The following TUSC3 variants were observed in gnomAD, a reference collection of about 807,000 sequenced individuals.
The protein encoded by TUSC3 is dolichyl-diphosphooligosaccharide--protein glycosyltransferase subunit TUSC3.
In TUSC3, 45 loss-of-function variants were observed where a neutral mutation model predicts 44.8. The observed-to-expected ratio is 1.00, with a 90% CI of 0.79 to 1.29. The LOEUF (loss-of-function observed/expected upper bound fraction) is 1.29. TUSC3 is among the 50% of genes most tolerant of loss of function. TUSC3 has a pLI of 0.00. For missense variants in TUSC3, 519 were observed against 437.9 expected (o/e 1.19, Z -1.65); for synonymous variants, 212 against 152.9 (o/e 1.39, Z -2.85).
intron 6 of TUSC3, among the ~76,000 whole-genome samples, chr8:15,677,369 A>G (rs1011822002): frequency 6.6e-5 from 10 of 152,312 alleles, no homozygotes; most frequent in African/African-American, 9.6e-5. Flanking sequence ...ATGCTTACAA[A>G]GAGATTTTGA....
At chr8:15,797,219 G>T in the TUSC3 span, among the ~76,000 whole-genome samples, 1 of 152,236 alleles carries the variant, frequency 6.6e-6, no homozygotes, top group African/African-American at 2.4e-5. Flanking sequence ...TTTCAGTGGA[G>T]ACTGTTGGTT....
At chr8:15,728,035 A>C (rs1160508033) in intron 6 of TUSC3, among the ~76,000 whole-genome samples, 2 of 152,322 alleles carry the variant, frequency 1.3e-5, no homozygotes, top group East Asian at 3.9e-4. Flanking sequence ...CAGTTTCATG[A>C]AATAAGTCTC....
intron 6 of TUSC3, among the ~76,000 whole-genome samples, chr8:15,709,527 A>G (rs2129198955): frequency 6.6e-6 from 1 of 151,954 alleles, no homozygotes; most frequent in African/African-American, 2.4e-5. Context: ...GCCAGAATTT[A>G]GCTCCAGATG....
At chr8:15,520,543 C>G (rs1801283638) in intron 2 of TUSC3, among the ~76,000 whole-genome samples, 1 of 152,152 alleles carries the variant, frequency 6.6e-6, no homozygotes, top group Admixed American at 6.5e-5. Context: ...TATAACATGC[C>G]TTGAAACATT....
chr8:15,631,238 C>T (rs1027751596), intron 2 of TUSC3, among the ~76,000 whole-genome samples: 7 of 152,084 alleles, frequency 4.6e-5, no homozygotes, highest in Admixed American at 4.6e-4. Flanking sequence ...GTTTAATTTT[C>T]TTATTTTTTA....
At chr8:15,781,835 A>G in the TUSC3 span, among the ~76,000 whole-genome samples, 3,431 of 152,266 alleles carry the variant, frequency 0.023, 126 homozygotes, top group African/African-American at 0.076. Context: ...CAAAGCTACT[A>G]TAAGAAAAGA....
chr8:15,585,621 T>C (rs1335463471), intron 1 of TUSC3, among the ~76,000 whole-genome samples: 1 of 152,200 alleles, frequency 6.6e-6, no homozygotes, highest in East Asian at 1.9e-4. Flanking sequence ...CTGTGGGCCC[T>C]TAGCCTAGAA....
intron 7 of TUSC3, among the ~76,000 whole-genome samples, chr8:15,734,038 G>T (rs974702953): frequency 6.6e-6 from 1 of 152,112 alleles, no homozygotes; most frequent in East Asian, 1.9e-4. Context: ...GTGAGACCCC[G>T]TCTCCAAAAA....
At chr8:15,692,676 A>G (rs1448866054) in intron 6 of TUSC3, among the ~76,000 whole-genome samples, 2 of 127,656 alleles carry the variant, frequency 1.6e-5, no homozygotes, top group African/African-American at 5.6e-5. Context: ...TTTTTTTTCT[A>G]TTTCCATGGA....
chr8:15,674,187 A>G lies in TUSC3; in HGVS notation c.798+351A>G, dbSNP rs354513. 5.9e-3 allele frequency among the ~76,000 whole-genome samples: 898 copies of G among 152,140 alleles called. 8 individuals are homozygous for G. Among genetic ancestry groups the G allele is most frequent in the African/African-American group, 0.02 (838 of 41,550 alleles). On this transcript the variant is annotated intron_variant, in intron 6 of 10. Coordinates refer to ENST00000503731, the MANE Select transcript of TUSC3 (RefSeq NM_006765.4). ...TTTATAGCCAATGTCCCTCCCATCCATGGTAAATTTAATTTTCTTCAGAAG... is the reference window on the plus strand; with the variant it reads ...TTTATAGCCAATGTCCCTCCCATCCGTGGTAAATTTAATTTTCTTCAGAAG...
chr8:15,727,311 C>G (rs1346056201), intron 6 of TUSC3, among the ~76,000 whole-genome samples: 1 of 152,136 alleles, frequency 6.6e-6, no homozygotes, highest in African/African-American at 2.4e-5. Context: ...TATTCTTGTG[C>G]TTACTCTTAT....
At chr8:15,462,154 A>G (rs1411915989) in intron 1 of TUSC3, among the ~76,000 whole-genome samples, 1 of 152,122 alleles carries the variant, frequency 6.6e-6, no homozygotes, top group African/African-American at 2.4e-5. Context: ...CAAGCTTCAT[A>G]ATAATAACTT....
chr8:15,654,757 A>G (rs1807079592), intron 3 of TUSC3, among the ~76,000 whole-genome samples: 2 of 152,104 alleles, frequency 1.3e-5, no homozygotes, highest in South Asian at 2.1e-4. Context: ...AGATCGTGCC[A>G]TTGCCCTCCA....
At chr8:15,653,820 T>G (rs1368318234) in intron 3 of TUSC3, among the ~76,000 whole-genome samples, 1 of 152,206 alleles carries the variant, frequency 6.6e-6, no homozygotes, top group Non-Finnish European at 1.5e-5. Context: ...AAGTACTGTC[T>G]CTGAATTGAT....
intron 2 of TUSC3, among the ~76,000 whole-genome samples, chr8:15,494,807 A>T (rs1800857982): frequency 6.6e-6 from 1 of 152,216 alleles, no homozygotes; most frequent in Admixed American, 6.5e-5. Flanking sequence ...AACTGGAATT[A>T]GGGAGTTTTC....
rs1416555276 is a variant in TUSC3, at chr8:15,523,684, G to GTATATA, written n.189+40202_189+40203insATATAT. The stretch of plus-strand genomic sequence containing the variant: ...TATATATGTGTGTGTGTGTGTGTGT[G>GTATATA]TGTGTGTGTGTGTGTGTGTGTGTGT... On this transcript the variant is annotated intron_variant and non_coding_transcript_variant, in intron 2 of 5. Coordinates refer to the TUSC3 transcript ENST00000503191. Among the ~76,000 whole-genome samples the GTATATA allele has an allele frequency of 6.2e-4, 25 of 40,556 alleles. No individual in the cohort carries two copies. The South Asian group carries it at 6.4e-3, about 10-fold the overall frequency. 26.6% of individuals were successfully genotyped at this position (40,556 alleles called of 152,430 possible).
chr8:15,434,973 G>C (rs1729743542), intron 1 of TUSC3, among the ~76,000 whole-genome samples: 1 of 149,110 alleles, frequency 6.7e-6, no homozygotes, highest in Admixed American at 6.6e-5. Context: ...CTTTGCTGTT[G>C]TGAATAGTGC....
chr8:15,540,330 C>A lies in TUSC3; in HGVS notation c.-101C>A. The A allele has an allele frequency of 7.3e-7, 1 of 1,367,698 alleles. No homozygotes were observed. The highest frequency in any genetic ancestry group is 3.0e-5 in the East Asian group (1 of 33,036). The allele number at this position is 1,367,698 out of a possible 1,614,324, so 84.7% of individuals were successfully genotyped here. A position where few individuals can be genotyped will look rare whatever the true frequency, so the allele number is the denominator to read the frequency against. ...CAAAGCCGCTGCCATCCCGGAGGGC[C>A]CAGCCAGCGGGCTCCCGGAGGCTGG... On this transcript the variant is annotated 5_prime_UTR_variant, in exon 1 of 11. Transcript: ENST00000503731.
chr8:15,601,936 A>G (rs1804303382), intron 1 of TUSC3, among the ~76,000 whole-genome samples: 1 of 151,040 alleles, frequency 6.6e-6, no homozygotes, highest in Non-Finnish European at 1.5e-5. Context: ...TAGTTTCCAG[A>G]ATTAACTGAC....
Sources: gnomAD v4.1 joint callset for allele counts (sites outside exome capture counted in the v4.1 genomes callset) on GRCh38, gnomAD v4.1.1 for gene constraint, MANE v1.5 for transcripts, NCBI Gene and HGNC (gene_info 2026-07-23, HGNC 2026-07-21) for gene names.